The following SOX5 variants were observed in gnomAD, a reference collection of about 807,000 sequenced individuals.
SOX5 encodes SRY-box transcription factor 5.
SOX5 carries 9 observed loss-of-function variants against 92.0 expected under a neutral mutation model. The observed-to-expected ratio is 0.10, with a 90% CI of 0.06 to 0.17. The LOEUF is 0.17. SOX5 is among the 10% of genes least tolerant of loss of function. The pLI, the probability that SOX5 is intolerant of heterozygous loss-of-function variation, is 1.00. For missense variants in SOX5, 642 were observed against 944.5 expected, an observed-to-expected ratio of 0.68 and a Z score of 4.20; for synonymous variants, 344 against 336.3, an observed-to-expected ratio of 1.02 and a Z score of -0.25.
intron 4 of SOX5, among the ~76,000 whole-genome samples, chr12:24,154,369 G>A (rs972299566): frequency 1.3e-5 from 2 of 152,138 alleles, no homozygotes; most frequent in African/African-American, 2.4e-5. Context: ...CCCAATAGAA[G>A]GTTCTGGTTG....
At chr12:24,322,438 C>A (rs1281594519) in intron 2 of SOX5, among the ~76,000 whole-genome samples, 2 of 152,082 alleles carry the variant, frequency 1.3e-5, no homozygotes, top group Admixed American at 6.5e-5. Context: ...TGCTGATGAG[C>A]AATTGTTATG....
chr12:24,110,404 C>G (rs1292952142), intron 4 of SOX5, among the ~76,000 whole-genome samples: 1 of 152,172 alleles, frequency 6.6e-6, no homozygotes, highest in Non-Finnish European at 1.5e-5. Flanking sequence ...TACAGTCAAC[C>G]TAAGTCCCAC....
At position 24,022,827 on chromosome 12, in the gene SOX5, A is replaced by C. The variant is rs977222328; in HGVS notation, c.-1-126803T>G. Among the ~76,000 whole-genome samples the C allele has an allele frequency of 6.6e-5, 10 of 152,132 alleles. No individual in the cohort carries two copies. In the East Asian group the frequency reaches 1.7e-3, roughly 26 times the overall value. On this transcript the variant is annotated intron_variant, in intron 4 of 4. Coordinates refer to the SOX5 transcript ENST00000446891. Reference sequence around the variant, plus strand: ...ATATTGTTTGAATGGTGAATACACCAATGAACGAATAAATGGCTTTAATAA... The same window carrying C: ...ATATTGTTTGAATGGTGAATACACCCATGAACGAATAAATGGCTTTAATAA...
chr12:24,423,514 T>C (rs1354233339), intron 1 of SOX5, among the ~76,000 whole-genome samples: 1 of 152,214 alleles, frequency 6.6e-6, no homozygotes, highest in Non-Finnish European at 1.5e-5. Context: ...TACTAGAGAA[T>C]TTTTACATCT....
At chr12:23,794,861 C>T (rs2095535762) in intron 3 of SOX5, among the ~76,000 whole-genome samples, 1 of 152,028 alleles carries the variant, frequency 6.6e-6, no homozygotes. Context: ...AAATAAGTCA[C>T]ATTTAGATTT....
At chr12:23,962,593 A>C (rs4347474) in intron 4 of SOX5, among the ~76,000 whole-genome samples, 139,745 of 152,182 alleles carry the variant, frequency 0.92, 64,821 homozygotes, top group Non-Finnish European at 0.99. Flanking sequence ...ACATAACGGA[A>C]CTCTTTATTA....
intron 4 of SOX5, among the ~76,000 whole-genome samples, chr12:24,048,035 C>G (rs1957218489): frequency 6.6e-6 from 1 of 152,176 alleles, no homozygotes; most frequent in Admixed American, 6.5e-5. Flanking sequence ...TTCTCCTTGT[C>G]AGTCCCTACA....
chr12:23,620,599 C>A (rs1045443542), intron 8 of SOX5, among the ~76,000 whole-genome samples: 12 of 151,864 alleles, frequency 7.9e-5, no homozygotes, highest in African/African-American at 2.9e-4. Context: ...TTTTCTAGAC[C>A]ATTTGAAAAA....
chr12:23,696,850 A>G (rs1555268413), intron 6 of SOX5, among the ~76,000 whole-genome samples: 4 of 152,246 alleles, frequency 2.6e-5, no homozygotes, highest in African/African-American at 7.2e-5. Context: ...TCTTTGACCC[A>G]TGAGTTATTT....
intron 4 of SOX5, among the ~76,000 whole-genome samples, chr12:24,135,426 T>C (rs549537331): frequency 1.3e-5 from 2 of 152,344 alleles, no homozygotes; most frequent in Admixed American, 6.5e-5. Flanking sequence ...TCTGATTGTG[T>C]TGGACTCCAA....
chr12:24,112,520 CCTT>C, intron 4 of SOX5, among the ~76,000 whole-genome samples: 1 of 114,534 alleles, frequency 8.7e-6, no homozygotes, highest in South Asian at 3.1e-4. Context: ...CTTCAAGGTT[CCTT>C]TTTTTTTTTT....
At chr12:23,784,892 C>A (rs2141847754) in intron 3 of SOX5, among the ~76,000 whole-genome samples, 1 of 152,186 alleles carries the variant, frequency 6.6e-6, no homozygotes, top group East Asian at 1.9e-4. Flanking sequence ...GCCTGGGCAA[C>A]ATAGCAAGAT....
chr12:24,041,065 C>A (rs1291081083), intron 4 of SOX5, among the ~76,000 whole-genome samples: 2 of 152,156 alleles, frequency 1.3e-5, no homozygotes, highest in South Asian at 2.1e-4. Context: ...TACCAATAAT[C>A]AAAAATACTA....
At chr12:24,303,593 T>A (rs1377024749) in intron 2 of SOX5, among the ~76,000 whole-genome samples, 1 of 152,204 alleles carries the variant, frequency 6.6e-6, no homozygotes, top group Non-Finnish European at 1.5e-5. Context: ...ATACAGGTAT[T>A]CCAGATGTAA....
rs954922412 is a variant in SOX5, at chr12:24,197,733, C to A, written c.-2+15610G>T. ...TTGTGAGCATTAGCATGAAGATGTG[C>A]CCCCAGTGTGGAGGAAGAGAGAGTT... On this transcript the variant is annotated intron_variant, in intron 4 of 4. Transcript: ENST00000446891. 9.2e-5 allele frequency among the ~76,000 whole-genome samples: 14 copies of A among 152,234 alleles called. No individual in the cohort carries two copies. The East Asian group carries it at 1.7e-3, about 19-fold the overall frequency.
intron 8 of SOX5, among the ~76,000 whole-genome samples, chr12:23,613,451 G>A (rs1378050051): frequency 6.6e-6 from 1 of 152,052 alleles, no homozygotes; most frequent in Non-Finnish European, 1.5e-5. Flanking sequence ...AAATAATATG[G>A]TGGTTCCTCA....
intron 2 of SOX5, among the ~76,000 whole-genome samples, chr12:23,847,869 C>T (rs901165260): frequency 1.9e-4 from 29 of 151,986 alleles, no homozygotes; most frequent in African/African-American, 6.0e-4. Context: ...AACTCCCGCA[C>T]GTTAAGTGAA....
chr12:24,069,555 G>A (rs746713517), intron 4 of SOX5, among the ~76,000 whole-genome samples: 1 of 152,152 alleles, frequency 6.6e-6, no homozygotes, highest in East Asian at 1.9e-4. Context: ...TGACATAGCA[G>A]TGATTACACA....
At chr12:24,228,038 A>G (rs2139891922) in intron 3 of SOX5, among the ~76,000 whole-genome samples, 1 of 152,286 alleles carries the variant, frequency 6.6e-6, no homozygotes, top group East Asian at 1.9e-4. Flanking sequence ...GGGGAACCGA[A>G]TGGGTGCAGA....
Sources: allele counts gnomAD v4.1 joint callset (sites outside exome capture counted in the v4.1 genomes callset), GRCh38; gene constraint gnomAD v4.1.1; transcripts MANE v1.5; gene names NCBI Gene and HGNC (gene_info 2026-07-23, HGNC 2026-07-21).